Variants in HAGH observed in about 807,000 individuals in gnomAD.
HAGH encodes hydroxyacylglutathione hydrolase, mitochondrial.
Under a neutral mutation model 35.1 loss-of-function variants are expected in HAGH, and 29 were observed. That is an observed-to-expected ratio of 0.83 (90% CI 0.62 to 1.13). The LOEUF (loss-of-function observed/expected upper bound fraction) is 1.13. Among genes scored for constraint, HAGH ranks in the 50% most tolerant of loss-of-function variants. The probability of loss-of-function intolerance (pLI) is 0.00; values close to 1 mark genes in which losing one functional copy is unlikely to be tolerated. For synonymous variants in HAGH, 225 were observed against 176.1 expected (o/e 1.28, Z -2.20); for missense variants, 478 against 419.6 (o/e 1.14, Z -1.22).
chr16:1,812,254 C>A (rs1027463378), intron 7 of HAGH: 8 of 151,312 alleles, frequency 5.3e-5, no homozygotes, highest in African/African-American at 1.9e-4. Context: ...GCCTGTAATC[C>A]CAGCACTTTG....
chr16:1,813,051 A>T (rs567753098), intron 7 of HAGH, among the ~76,000 whole-genome samples: 2 of 152,312 alleles, frequency 1.3e-5, no homozygotes, highest in Non-Finnish European at 2.9e-5. Context: ...GGGTGTTCAC[A>T]CGGGGCTGCG....
intron 3 of HAGH, 35 bp from the exon 4 acceptor site, chr16:1,820,049 G>C: frequency 2.9e-6 from 1 of 349,416 alleles, no homozygotes; most frequent in Non-Finnish European, 4.1e-6. Context: ...GCTGCCTGCT[G>C]AGCTGAGGGG....
rs1484710737 is a variant in HAGH at position 1,808,990 on chromosome 16, C to T, written c.*293G>A. The T allele has an allele frequency of 1.4e-5, 6 of 416,940 alleles. No individual in the cohort carries two copies. Among genetic ancestry groups the T allele is most frequent in the South Asian group, 4.0e-5 (1 of 24,904 alleles). 25.8% of individuals were successfully genotyped at this position (416,940 alleles called of 1,614,324 possible). A position where few individuals can be genotyped will look rare whatever the true frequency, so the allele number is the denominator to read the frequency against. On this transcript the variant is annotated 3_prime_UTR_variant, in exon 9 of 9. Transcript: ENST00000397356. ...AGGCCACAGCAAAGGCACCGGCTCA[C>T]GCCTGACCTGAAGCGTGGGTGGGGG...
chr16:1,808,982 C>G lies in HAGH; in HGVS notation c.*301G>C, dbSNP rs928429544. Reference sequence around the variant, plus strand: ...CCCAGCCAAGGCCACAGCAAAGGCACCGGCTCACGCCTGACCTGAAGCGTG... The same window carrying G: ...CCCAGCCAAGGCCACAGCAAAGGCAGCGGCTCACGCCTGACCTGAAGCGTG... On this transcript the variant is annotated 3_prime_UTR_variant, in exon 9 of 9. Transcript: ENST00000397356. 5.4e-6 allele frequency: 2 copies of G among 368,318 alleles called. No homozygotes were observed. Among genetic ancestry groups the G allele is most frequent in the African/African-American group, 2.1e-5 (1 of 48,718 alleles). 22.8% of individuals were successfully genotyped at this position (368,318 alleles called of 1,614,324 possible). A position where few individuals can be genotyped will look rare whatever the true frequency, so the allele number is the denominator to read the frequency against.
Position 1,817,223 on chromosome 16 carries a change from G to C in HAGH, c.590C>G (p.Ala197Gly), listed in dbSNP as rs150713216. 3 of 1,613,348 alleles carry C rather than the reference G, an allele frequency of 1.9e-6. No homozygotes were observed. The South Asian group carries it at 3.3e-5, about 18-fold the overall frequency. Residue 197 changes from alanine (A) to glycine (G), a missense_variant, in exon 6 of 9, where the codon GCG becomes GGG. Coordinates refer to ENST00000397356, the MANE Select transcript of HAGH (RefSeq NM_005326.6). Reference protein sequence around the residue: ...AGCGKFYEGTADEMCKALLEV... With the variant: ...AGCGKFYEGTGDEMCKALLEV... ...CAGCAGAGCTTTACACATCTCATCC[G>C]CAGTCCCTTCATAGAACTTCCCGCA... is the stretch of plus-strand genomic sequence containing the variant.
chr16:1,820,986 C>T (rs1306661083), intron 3 of HAGH, among the ~76,000 whole-genome samples: 6 of 152,118 alleles, frequency 3.9e-5, no homozygotes, highest in Non-Finnish European at 7.4e-5. Context: ...GAGACGTCTG[C>T]GGCGAGGCCG....
intron 1 of HAGH, among the ~76,000 whole-genome samples, chr16:1,824,690 G>T (rs947847762): frequency 1.3e-5 from 2 of 152,164 alleles, no homozygotes; most frequent in Non-Finnish European, 2.9e-5. Context: ...CCACCGAAAT[G>T]CGGAATCCGA....
At position 1,826,754 on chromosome 16, in the gene HAGH, TG is replaced by T; in HGVS notation, c.33del (p.Ser12AlafsTer31). On this transcript the variant is annotated frameshift_variant, in exon 1 of 9. Transcript: ENST00000397356. LOFTEE classifies it high-confidence loss of function. ...CAGGCGGCTCCCAGCGCGGCGAGGC[TG>T]CGGCGGCCGAGCAGCCCTCGGCCCA... MVVGRGLLGR[R>X]SLAALGAACA... The T allele has an allele frequency of 8.3e-7, 1 of 1,202,566 alleles. No individual in the cohort carries two copies. Among genetic ancestry groups the T allele is most frequent in the Non-Finnish European group, 1.0e-6 (1 of 969,430 alleles). The allele number at this position is 1,202,566 out of a possible 1,614,324, so 74.5% of individuals were successfully genotyped here.
rs893894851 is a variant in HAGH, at chr16:1,809,303, A to C, written c.907T>G (p.Phe303Val). The C allele has an allele frequency of 3.0e-5, 49 of 1,612,488 alleles. No homozygotes were observed. Among genetic ancestry groups the C allele is most frequent in the Non-Finnish European group, 3.9e-5 (46 of 1,178,950 alleles). Residue 303 changes from phenylalanine to valine, a missense_variant, in exon 9 of 9, where the codon TTC becomes GTC. Transcript: ENST00000397356. ...MRAVRREKDQFKMPRD is the reference protein window; with the variant it reads ...MRAVRREKDQVKMPRD ...CGGCCTCAGTCCCGGGGCATCTTGAACTGGTCCTTCTCCCTGCGCACGGCC... is the reference window on the plus strand; with the variant it reads ...CGGCCTCAGTCCCGGGGCATCTTGACCTGGTCCTTCTCCCTGCGCACGGCC...
chr16:1,809,215 G>T lies in HAGH; in HGVS notation c.*68C>A. On this transcript the variant is annotated 3_prime_UTR_variant, in exon 9 of 9. Transcript: ENST00000397356. The stretch of plus-strand genomic sequence containing the variant: ...TAAATCAAGACTGAATTTCCCGCAC[G>T]GACCAGCAGGAAAGCCAGTTACCTA... The T allele has an allele frequency of 9.4e-7, 1 of 1,058,762 alleles. No homozygotes were observed. The highest frequency in any genetic ancestry group is 1.4e-6 in the Non-Finnish European group (1 of 702,338). 65.6% of individuals were successfully genotyped at this position (1,058,762 alleles called of 1,614,324 possible).
chr16:1,812,816 G>A (rs1897717642), intron 7 of HAGH, among the ~76,000 whole-genome samples: 1 of 152,222 alleles, frequency 6.6e-6, no homozygotes, highest in Admixed American at 6.5e-5. Context: ...CCCTGCAGGA[G>A]GCGGCCTCTC....
At position 1,817,163 on chromosome 16, in the gene HAGH, C is replaced by T; in HGVS notation, c.645+5G>A. On this transcript the variant is annotated splice_donor_5th_base_variant and intron_variant, in intron 6 of 8. Coordinates refer to ENST00000397356, the MANE Select transcript of HAGH (RefSeq NM_005326.6). The stretch of plus-strand genomic sequence containing the variant: ...CACCCCGGCCCGCAGGGAGGCGCTG[C>T]CTACTGTGTCCGGGGGGAGCCGGCC... 1 of 1,584,640 alleles carries T rather than the reference C, an allele frequency of 6.3e-7. No individual in the cohort carries two copies.
chr16:1,809,810 G>A lies in HAGH; in HGVS notation c.771C>T (p.Pro257=), dbSNP rs150394294. The A allele has an allele frequency of 1.2e-6, 2 of 1,613,642 alleles. No homozygotes were observed. Among genetic ancestry groups the A allele is most frequent in the African/African-American group, 2.7e-5 (2 of 75,040 alleles). The change falls in exon 8 of 9, where the codon CCC becomes CCT. Residue 257 remains proline (P), a synonymous_variant. Transcript: ENST00000397356. ...WAKEKYSIGE[P]TVPSTLAEEF... Reference sequence around the variant, plus strand: ...CCTCTGCCAGGGTGGATGGCACTGTGGGCTCCCCGATGCTGTACTTCTCCT... The same window carrying A: ...CCTCTGCCAGGGTGGATGGCACTGTAGGCTCCCCGATGCTGTACTTCTCCT...
Position 1,809,207 on chromosome 16 carries a change from T to A in HAGH, c.*76A>T. On this transcript the variant is annotated 3_prime_UTR_variant, in exon 9 of 9. Coordinates refer to ENST00000397356, the MANE Select transcript of HAGH (RefSeq NM_005326.6). The stretch of plus-strand genomic sequence containing the variant: ...ATTAAGGTTAAATCAAGACTGAATT[T>A]CCCGCACGGACCAGCAGGAAAGCCA... 1 of 979,750 alleles carries A rather than the reference T, an allele frequency of 1.0e-6. No homozygotes were observed. The allele number at this position is 979,750 out of a possible 1,614,324, so 60.7% of individuals were successfully genotyped here. A position where few individuals can be genotyped will look rare whatever the true frequency, so the allele number is the denominator to read the frequency against.
At chr16:1,818,337 C>T (rs1897997799) in intron 5 of HAGH, among the ~76,000 whole-genome samples, 1 of 152,180 alleles carries the variant, frequency 6.6e-6, no homozygotes, top group Non-Finnish European at 1.5e-5. Context: ...GGCACCTTAT[C>T]CCTCACAGCG....
At position 1,816,995 on chromosome 16, in the gene HAGH, C is replaced by CT. The variant is rs764592129; in HGVS notation, c.646-2dup. The CT allele has an allele frequency of 6.2e-5, 99 of 1,603,610 alleles. No homozygotes were observed. Among genetic ancestry groups the CT allele is most frequent in the Non-Finnish European group, 5.8e-5 (68 of 1,170,528 alleles). ...TGTACTCGTGGCCACAGTAGACTCT[C>CT]TGAGGAGAGAGGTGACAGGTGAGCT... On this transcript the variant is annotated splice_acceptor_variant, in intron 6 of 8. Transcript: ENST00000397356. LOFTEE classifies it high-confidence loss of function.
intron 7 of HAGH, among the ~76,000 whole-genome samples, chr16:1,814,718 T>C (rs1023706898): frequency 4.0e-5 from 6 of 151,514 alleles, no homozygotes; most frequent in African/African-American, 1.5e-4. Context: ...GATAACACGG[T>C]GAAACCCATC....
chr16:1,825,243 G>A (rs771511246), intron 1 of HAGH, among the ~76,000 whole-genome samples: 50 of 152,272 alleles, frequency 3.3e-4, no homozygotes, highest in Middle Eastern at 3.4e-3. Context: ...GCTTGAGCCC[G>A]GGAGGCAGAG....
intron 2 of HAGH, 38 bp downstream of exon 2, chr16:1,822,827 T>G (rs761874584): frequency 3.7e-5 from 59 of 1,585,374 alleles, no homozygotes; most frequent in Non-Finnish European, 5.0e-5. Flanking sequence ...CCGAGCTGGG[T>G]GACCAGGGCA....
Sources: gnomAD v4.1 joint callset for allele counts (sites outside exome capture counted in the v4.1 genomes callset) on GRCh38, gnomAD v4.1.1 for gene constraint, MANE v1.5 for transcripts, NCBI Gene and HGNC (gene_info 2026-07-23, HGNC 2026-07-21) for gene names.